FADS2: variants seen among roughly 807,000 people sequenced by gnomAD.
FADS2 encodes acyl-CoA 6-desaturase.
In FADS2, 18 loss-of-function variants were observed where a neutral mutation model predicts 61.2. The observed-to-expected ratio is 0.29, with a 90% CI of 0.20 to 0.44. The LOEUF (loss-of-function observed/expected upper bound fraction) is 0.44. Among genes scored for constraint, FADS2 ranks in the 20% least tolerant of loss-of-function variants. The pLI is 1.00. For missense variants in FADS2, 322 were observed against 572.7 expected (o/e 0.56, Z 4.47); for synonymous variants, 203 against 223.9 (o/e 0.91, Z 0.83).
chr11:61,821,970 A>C (rs1414190993), intron 1 of FADS2, among the ~76,000 whole-genome samples: 1 of 147,732 alleles, frequency 6.8e-6, no homozygotes, highest in Admixed American at 6.7e-5. Context: ...TCCTTAATGC[A>C]GTCTTTTTTT....
At chr11:61,844,433 AG>A (rs1015313147) in intron 4 of FADS2, among the ~76,000 whole-genome samples, 2 of 151,966 alleles carry the variant, frequency 1.3e-5, no homozygotes, top group African/African-American at 4.8e-5. Flanking sequence ...TAGCCAGGCG[AG>A]GGTGCTCGGG....
At chr11:61,824,489 A>G (rs2067062787), upstream of FADS2, among the ~76,000 whole-genome samples, 4 of 7,752 alleles carry the variant, frequency 5.2e-4, no homozygotes, top group Non-Finnish European at 6.3e-3. Context: ...AGAGAGAGAG[A>G]GAAAGAAAGA....
chr11:61,826,026 C>G, upstream of FADS2: 1 of 701,508 alleles, frequency 1.4e-6, no homozygotes, highest in Non-Finnish European at 2.6e-6. Context: ...CATCACTGTT[C>G]CCCAGTTTCT....
chr11:61,863,515 C>T, intron 9 of FADS2, 137 bp downstream of exon 9: 1 of 808,292 alleles, frequency 1.2e-6, no homozygotes, highest in Non-Finnish European at 2.0e-6. Context: ...AGCTTCAGGG[C>T]TGAGCAAGAA....
At chr11:61,836,498 C>T (rs1326267120) in intron 1 of FADS2, among the ~76,000 whole-genome samples, 1 of 152,188 alleles carries the variant, frequency 6.6e-6, no homozygotes, top group African/African-American at 2.4e-5. Context: ...TCCCGAGTAA[C>T]TGGAGTTATT....
rs911944830 is a variant in FADS2, at chr11:61,866,279, A to T, written c.*590A>T. The T allele has an allele frequency of 6.2e-6, 2 of 324,816 alleles. No homozygotes were observed. Among genetic ancestry groups the T allele is most frequent in the East Asian group, 4.7e-5 (1 of 21,314 alleles). 20.1% of individuals were successfully genotyped at this position (324,816 alleles called of 1,614,324 possible). A position where few individuals can be genotyped will look rare whatever the true frequency, so the allele number is the denominator to read the frequency against. The stretch of plus-strand genomic sequence containing the variant: ...TTAAGTACCCGAGGCCTCTCTTAAG[A>T]TGTCCAGGGCCCCAGGCCCGCGGGC... On this transcript the variant is annotated 3_prime_UTR_variant, in exon 12 of 12. Coordinates refer to ENST00000278840, the MANE Select transcript of FADS2 (RefSeq NM_004265.4).
Position 61,819,126 on chromosome 11 carries a change from G to A in FADS2, c.141+2700G>A, listed in dbSNP as rs778890206. ...CCTGACCTCGTGATCTGCCCGCCTC[G>A]GCCTCCCAAAGTGCTGGGATTACAG... On this transcript the variant is annotated intron_variant, in intron 1 of 11. Coordinates refer to the FADS2 transcript ENST00000257261. 8.9e-4 allele frequency among the ~76,000 whole-genome samples: 135 copies of A among 152,058 alleles called. 1 individual carries two copies. Among genetic ancestry groups the A allele is most frequent in the Non-Finnish European group, 1.7e-3 (113 of 67,988 alleles).
intron 1 of FADS2, among the ~76,000 whole-genome samples, chr11:61,831,465 A>G (rs1293043582): frequency 6.6e-6 from 1 of 152,180 alleles, no homozygotes; most frequent in Non-Finnish European, 1.5e-5. Flanking sequence ...CCTCGAAGTC[A>G]GGGAAGCCAT....
chr11:61,816,676 C>A lies in FADS2; in HGVS notation c.141+250C>A. 2 of 1,592,032 alleles carry A rather than the reference C, an allele frequency of 1.3e-6. No homozygotes were observed. Among genetic ancestry groups the A allele is most frequent in the Non-Finnish European group, 1.7e-6 (2 of 1,170,036 alleles). ...TAGCCACCGCTCCTCGCACCCTGAG[C>A]GCTGGGCCACCTCGTCCCAGGTGAA... is the stretch of plus-strand genomic sequence containing the variant. On this transcript the variant is annotated intron_variant, in intron 1 of 11. Coordinates refer to the FADS2 transcript ENST00000257261. This position sits in a 1 kb window ranked among gnomAD's most constrained non-coding sequence, Gnocchi z 7.0.
rs138112781 is a variant in FADS2, at chr11:61,865,161, C to T, written c.1167C>T (p.Pro389=). 3.7e-6 allele frequency: 6 copies of T among 1,613,372 alleles called. No individual in the cohort carries two copies. The African/African-American group carries it at 6.7e-5, about 18-fold the overall frequency. ...LNFQIEHHLF[P]TMPRHNLHKI... is the part of the protein sequence containing the mutation. Reference sequence around the variant, plus strand: ...CCTACACACTCCTCAGCCTCTTCCCCACCATGCCCCGGCACAACTTACACA... The same window carrying T: ...CCTACACACTCCTCAGCCTCTTCCCTACCATGCCCCGGCACAACTTACACA... The change falls in exon 11 of 12, where the codon CCC becomes CCT. Residue 389 remains proline, a synonymous_variant. Coordinates refer to ENST00000278840, the MANE Select transcript of FADS2 (RefSeq NM_004265.4). The surrounding 1 kb of genome is among the most constrained non-coding windows in gnomAD (Gnocchi z 4.1).
chr11:61,861,497 C>T lies in FADS2; in HGVS notation c.883-1475C>T, dbSNP rs528352582. On this transcript the variant is annotated intron_variant, in intron 7 of 11. Coordinates refer to ENST00000278840, the MANE Select transcript of FADS2 (RefSeq NM_004265.4). ...ATCCCATCTCCAAAAAAAAATAATC[C>T]GTAACCCCATCCTCATTTTGTTTCC... is the stretch of plus-strand genomic sequence containing the variant. 2.6e-5 allele frequency among the ~76,000 whole-genome samples: 4 copies of T among 152,072 alleles called. No individual in the cohort carries two copies. The South Asian group carries it at 8.3e-4, about 32-fold the overall frequency.
intron 6 of FADS2, 41 bp downstream of exon 6, chr11:61,857,112 CT>C: frequency 6.5e-7 from 1 of 1,539,854 alleles, no homozygotes; most frequent in Non-Finnish European, 9.0e-7. Flanking sequence ...GGACCCTCCC[CT>C]CCCCCCAGAG....
At chr11:61,850,666 A>G (rs1003573474) in intron 5 of FADS2, among the ~76,000 whole-genome samples, 6 of 152,314 alleles carry the variant, frequency 3.9e-5, no homozygotes, top group Non-Finnish European at 8.8e-5. Context: ...AGAAGAAAAA[A>G]ATAAATATAT....
chr11:61,848,685 G>A (rs1266500934), intron 5 of FADS2: 1 of 180,014 alleles, frequency 5.6e-6, no homozygotes, highest in Non-Finnish European at 1.2e-5. Flanking sequence ...TCCCAGGGTA[G>A]AGGGAAATCT....
intron 1 of FADS2, among the ~76,000 whole-genome samples, chr11:61,833,998 C>G (rs777232852): frequency 6.6e-6 from 1 of 152,230 alleles, no homozygotes; most frequent in Non-Finnish European, 1.5e-5. Flanking sequence ...AGGCCATAAA[C>G]AAGTGGGTAC....
rs2067207141 is a variant in FADS2 at position 61,840,231 on chromosome 11, C to T, written c.319-103C>T. On this transcript the variant is annotated intron_variant, in intron 2 of 11. Coordinates refer to ENST00000278840, the MANE Select transcript of FADS2 (RefSeq NM_004265.4). The stretch of plus-strand genomic sequence containing the variant: ...GTGGCTTGGCCCCCTCTTGCCACAG[C>T]TTCTCTGGGTTGTGCATTGGCTGTT... The T allele has an allele frequency of 3.1e-6, 3 of 977,658 alleles. No individual in the cohort carries two copies. In the Admixed American group the frequency reaches 5.7e-5, roughly 18 times the overall value. The allele number at this position is 977,658 out of a possible 1,614,324, so 60.6% of individuals were successfully genotyped here.
rs761923595 is a variant in FADS2 at position 61,865,606 on chromosome 11, T to C, written c.1284-32T>C. On this transcript the variant is annotated intron_variant, in intron 11 of 11. Coordinates refer to ENST00000278840, the MANE Select transcript of FADS2 (RefSeq NM_004265.4). The surrounding 1 kb of genome is among the most constrained non-coding windows in gnomAD (Gnocchi z 4.1). ...CTCCCTGGGGCCACTCCCGTCCTGGTCCCTGACCCTGGTCCATCCCCAACT... is the reference window on the plus strand; with the variant it reads ...CTCCCTGGGGCCACTCCCGTCCTGGCCCCTGACCCTGGTCCATCCCCAACT... The C allele has an allele frequency of 6.2e-7, 1 of 1,607,624 alleles. No individual in the cohort carries two copies. The highest frequency in any genetic ancestry group is 8.5e-7 in the Non-Finnish European group (1 of 1,175,206).
chr11:61,832,134 A>T (rs541893765), intron 1 of FADS2, among the ~76,000 whole-genome samples: 2 of 152,166 alleles, frequency 1.3e-5, no homozygotes, highest in South Asian at 4.1e-4. Context: ...CCCTACCCCT[A>T]GCCCTTGTCT....
rs1030192366 is a variant in FADS2, at chr11:61,867,305, A to G, written c.*1616A>G. The G allele has an allele frequency of 6.6e-6, 1 of 151,786 alleles. No homozygotes were observed. Among genetic ancestry groups the G allele is most frequent in the African/African-American group, 2.4e-5 (1 of 41,260 alleles). 9.4% of individuals were successfully genotyped at this position (151,786 alleles called of 1,614,324 possible). ...AGCTGATCGTAATGTTTATCATGTT[A>G]CTTCCCCACCCCTACATTTTTTGAA... On this transcript the variant is annotated 3_prime_UTR_variant, in exon 12 of 12. Transcript: ENST00000278840.
Sources: allele counts gnomAD v4.1 joint callset (sites outside exome capture counted in the v4.1 genomes callset), GRCh38; gene constraint gnomAD v4.1.1; non-coding constraint Gnocchi (gnomAD v3.1); transcripts MANE v1.5; gene names NCBI Gene and HGNC (gene_info 2026-07-23, HGNC 2026-07-21).